Variants in SYNDIG1 observed in about 807,000 individuals in gnomAD.
The protein encoded by SYNDIG1 is synapse differentiation-inducing gene protein 1.
SYNDIG1 carries 9 observed loss-of-function variants against 19.4 expected under a neutral mutation model. The ratio of observed to expected loss-of-function variants is 0.46; its 90% CI spans 0.28 to 0.81. SYNDIG1 has a LOEUF of 0.81. Among genes scored for constraint, SYNDIG1 ranks in the 30% least tolerant of loss-of-function variants. SYNDIG1 has a pLI of 0.12. For missense variants in SYNDIG1, 311 were observed against 343.3 expected (o/e 0.91, Z 0.74); for synonymous variants, 141 against 145.9 (o/e 0.97, Z 0.24).
intron 1 of SYNDIG1, among the ~76,000 whole-genome samples, chr20:24,521,396 G>A (rs2056999544): frequency 1.3e-5 from 2 of 152,016 alleles, no homozygotes; most frequent in Admixed American, 6.6e-5. Flanking sequence ...CCATTTTGGG[G>A]AGTGTATACT....
chr20:24,560,098 T>A (rs2146870157), intron 2 of SYNDIG1, among the ~76,000 whole-genome samples: 1 of 121,476 alleles, frequency 8.2e-6, no homozygotes, highest in African/African-American at 3.0e-5. Context: ...TTTTGCAGTC[T>A]CACTCTGTCA....
At chr20:24,663,995 G>C (rs951101298) in intron 3 of SYNDIG1, among the ~76,000 whole-genome samples, 1 of 152,060 alleles carries the variant, frequency 6.6e-6, no homozygotes, top group Non-Finnish European at 1.5e-5. Flanking sequence ...ATTGTCCTAG[G>C]AGGCTTCCCA....
Position 24,665,620 on chromosome 20 carries a change from C to A in SYNDIG1, c.*116C>A, listed in dbSNP as rs1238026366. ...TGATTGCCAAATGATGCCACGAAGC[C>A]CTGGGATTTCCTACCCATGGATTTA... On this transcript the variant is annotated 3_prime_UTR_variant, in exon 4 of 4. Transcript: ENST00000376862. 7.1e-7 allele frequency: 1 copy of A among 1,402,120 alleles called. No homozygotes were observed. Among genetic ancestry groups the A allele is most frequent in the Non-Finnish European group, 9.7e-7 (1 of 1,030,952 alleles). The allele number at this position is 1,402,120 out of a possible 1,614,324, so 86.9% of individuals were successfully genotyped here.
At chr20:24,635,122 A>C (rs1222314485) in intron 3 of SYNDIG1, among the ~76,000 whole-genome samples, 1 of 152,162 alleles carries the variant, frequency 6.6e-6, no homozygotes, top group Non-Finnish European at 1.5e-5. Context: ...GAAGCCTCCA[A>C]GACTTGGGAA....
rs192172680 is a variant in SYNDIG1 at position 24,630,533 on chromosome 20, C to A, written c.619-34813C>A. ...GAAACAACCCAGGAGAGCAGAGAAA[C>A]AGCCAGAGAGTCTATCTCAAGGGTC... On this transcript the variant is annotated intron_variant, in intron 3 of 3. Transcript: ENST00000376862. Among the ~76,000 whole-genome samples, 322 of 152,320 alleles carry A rather than the reference C, an allele frequency of 2.1e-3. 1 individual carries two copies. The highest frequency in any genetic ancestry group is 1.6e-3 in the Non-Finnish European group (110 of 68,036).
chr20:24,616,386 T>C (rs781735670), intron 3 of SYNDIG1, among the ~76,000 whole-genome samples: 3 of 152,192 alleles, frequency 2.0e-5, no homozygotes, highest in Non-Finnish European at 2.9e-5. Flanking sequence ...TTCCAGGGGC[T>C]CGCGCCCCTC....
intron 1 of SYNDIG1, among the ~76,000 whole-genome samples, chr20:24,519,107 G>A (rs141996196): frequency 2.0e-5 from 3 of 152,204 alleles, no homozygotes; most frequent in Admixed American, 6.5e-5. Context: ...CAGTCAGCAC[G>A]CTGATTAACT....
chr20:24,555,796 A>G (rs1298722978), intron 2 of SYNDIG1, among the ~76,000 whole-genome samples: 1 of 152,110 alleles, frequency 6.6e-6, no homozygotes, highest in Non-Finnish European at 1.5e-5. Flanking sequence ...TTTGGGGTGG[A>G]GAGTTCTGTA....
At chr20:24,510,965 T>C (rs1453018806) in intron 1 of SYNDIG1, among the ~76,000 whole-genome samples, 1 of 152,266 alleles carries the variant, frequency 6.6e-6, no homozygotes, top group Non-Finnish European at 1.5e-5. Flanking sequence ...GTTTGCTTAT[T>C]AACTCATCCA....
At chr20:24,662,080 G>A (rs1168076825) in intron 3 of SYNDIG1, among the ~76,000 whole-genome samples, 1 of 151,958 alleles carries the variant, frequency 6.6e-6, no homozygotes, top group Admixed American at 6.6e-5. Context: ...CTTTGACTTG[G>A]CCACTTGATA....
intron 1 of SYNDIG1, among the ~76,000 whole-genome samples, chr20:24,501,168 A>G (rs1346956368): frequency 6.6e-6 from 1 of 152,110 alleles, no homozygotes; most frequent in Non-Finnish European, 1.5e-5. Flanking sequence ...TATTCCATCT[A>G]TTTTTTTATA....
chr20:24,585,117 G>A (rs925606493), intron 3 of SYNDIG1, 124 bp downstream of exon 3: 31 of 1,302,698 alleles, frequency 2.4e-5, no homozygotes, highest in Non-Finnish European at 3.3e-5. Context: ...AGCTGGGTCG[G>A]CACTTGCCCA....
At chr20:24,555,688 G>C (rs561313561) in intron 2 of SYNDIG1, among the ~76,000 whole-genome samples, 29 of 152,176 alleles carry the variant, frequency 1.9e-4, no homozygotes, top group African/African-American at 7.0e-4. Context: ...TATAATTTCT[G>C]TTCTTTTACA....
At chr20:24,630,857 G>A (rs2078702818) in intron 3 of SYNDIG1, among the ~76,000 whole-genome samples, 1 of 152,210 alleles carries the variant, frequency 6.6e-6, no homozygotes, top group Admixed American at 6.5e-5. Flanking sequence ...AGCAGTTGGT[G>A]GTGAGACTAA....
intron 2 of SYNDIG1, among the ~76,000 whole-genome samples, chr20:24,583,701 G>T (rs1485506458): frequency 2.6e-5 from 4 of 152,220 alleles, no homozygotes; most frequent in Non-Finnish European, 2.9e-5. Flanking sequence ...CCTGCCCTTT[G>T]TGGGGAGGGT....
At chr20:24,605,281 C>G (rs2058739221) in intron 3 of SYNDIG1, among the ~76,000 whole-genome samples, 1 of 152,198 alleles carries the variant, frequency 6.6e-6, no homozygotes, top group South Asian at 2.1e-4. Context: ...CAGCTAGATA[C>G]AAGCATAACA....
chr20:24,512,124 T>C (rs1248004513), intron 1 of SYNDIG1, among the ~76,000 whole-genome samples: 1 of 124,836 alleles, frequency 8.0e-6, no homozygotes, highest in Non-Finnish European at 1.7e-5. Flanking sequence ...TATATATATA[T>C]ATATATATAT....
chr20:24,584,914 A>G lies in SYNDIG1; in HGVS notation c.539A>G (p.Asp180Gly), dbSNP rs780228135. 1 of 1,613,806 alleles carries G rather than the reference A, an allele frequency of 6.2e-7. No individual in the cohort carries two copies. Among genetic ancestry groups the G allele is most frequent in the Non-Finnish European group, 8.5e-7 (1 of 1,179,984 alleles). ...EDNFLMMPPR[D>G]HLGLSVFSML... ...AATTTCCTCATGATGCCCCCGCGGG[A>G]CCACCTGGGCCTCAGTGTCTTCTCC... is the stretch of plus-strand genomic sequence containing the variant. The change falls in exon 3 of 4, where the codon GAC (aspartate) becomes GGC (glycine). Residue 180 changes from aspartate (D) to glycine (G), a missense_variant. By Grantham distance (94) the Asp-to-Gly change is moderately conservative (BLOSUM62 -1). Transcript: ENST00000376862.
chr20:24,558,284 A>G (rs1359127662), intron 2 of SYNDIG1, among the ~76,000 whole-genome samples: 3 of 152,212 alleles, frequency 2.0e-5, no homozygotes, highest in South Asian at 2.1e-4. Context: ...CTACTGGACT[A>G]TTGGTTCAGT....
Sources: gnomAD v4.1 joint callset for allele counts (sites outside exome capture counted in the v4.1 genomes callset) on GRCh38, gnomAD v4.1.1 for gene constraint, MANE v1.5 for transcripts, NCBI Gene and HGNC (gene_info 2026-07-23, HGNC 2026-07-21) for gene names.